The following MYO3A variants were observed in gnomAD, a reference collection of about 807,000 sequenced individuals.
The protein encoded by MYO3A is myosin-IIIa.
MYO3A carries 180 observed loss-of-function variants against 192.7 expected under a neutral mutation model. The observed-to-expected ratio is 0.93, with a 90% CI of 0.83 to 1.06. The LOEUF is 1.06. Among genes scored for constraint, MYO3A ranks in the 50% least tolerant of loss-of-function variants. The pLI is 0.00. For synonymous variants in MYO3A, 628 were observed against 645.3 expected (o/e 0.97, Z 0.41); for missense variants, 1,896 against 1,905.0 (o/e 1.00, Z 0.09).
intron 20 of MYO3A, among the ~76,000 whole-genome samples, chr10:26,138,961 T>A (rs2131820327): frequency 6.6e-6 from 1 of 152,320 alleles, no homozygotes; most frequent in South Asian, 2.1e-4. Flanking sequence ...TTTCCCTTCA[T>A]TTAACTCTGT....
chr10:26,024,144 T>C, intron 9 of MYO3A, 57 bp downstream of exon 9: 1 of 1,463,514 alleles, frequency 6.8e-7, no homozygotes, highest in Non-Finnish European at 9.6e-7. Flanking sequence ...TATAACTAAA[T>C]CTCCTCCTAT....
intron 15 of MYO3A, among the ~76,000 whole-genome samples, chr10:26,089,276 T>C (rs571995720): frequency 6.6e-6 from 1 of 152,252 alleles, no homozygotes; most frequent in Non-Finnish European, 1.5e-5. Context: ...CAGCTCCTAA[T>C]ATGGAAAATT....
At chr10:26,032,828 TA>T (rs1262708641) in intron 10 of MYO3A, among the ~76,000 whole-genome samples, 1 of 152,202 alleles carries the variant, frequency 6.6e-6, no homozygotes, top group Non-Finnish European at 1.5e-5. Flanking sequence ...TTTTATGTTC[TA>T]TTTTCTGGGC....
At chr10:26,103,012 A>G (rs1040560665) in intron 17 of MYO3A, among the ~76,000 whole-genome samples, 2 of 152,206 alleles carry the variant, frequency 1.3e-5, no homozygotes, top group Non-Finnish European at 2.9e-5. Context: ...GAGTCTACAA[A>G]GGCGGGCAGG....
At chr10:26,009,995 G>T (rs2130997404) in intron 6 of MYO3A, among the ~76,000 whole-genome samples, 1 of 152,254 alleles carries the variant, frequency 6.6e-6, no homozygotes, top group South Asian at 2.1e-4. Context: ...TACAGCTAAG[G>T]TCCAGTACTG....
chr10:26,137,636 A>G (rs1048747348), intron 20 of MYO3A, among the ~76,000 whole-genome samples: 2 of 152,244 alleles, frequency 1.3e-5, no homozygotes, highest in Non-Finnish European at 2.9e-5. Context: ...AAAAAGAGCC[A>G]TATTTTTCTT....
intron 6 of MYO3A, among the ~76,000 whole-genome samples, 179 bp downstream of exon 6, chr10:25,997,437 G>T (rs149592194): frequency 6.6e-6 from 1 of 152,278 alleles, no homozygotes; most frequent in African/African-American, 2.4e-5. Context: ...CAGAAGAAAG[G>T]GTAACTTCTT....
chr10:26,122,646 A>T (rs1456959018), intron 18 of MYO3A, among the ~76,000 whole-genome samples: 1 of 152,092 alleles, frequency 6.6e-6, no homozygotes, highest in Non-Finnish European at 1.5e-5. Context: ...TTCAGAAACC[A>T]CATAACCCAT....
At chr10:26,112,017 A>T (rs1022424109) in intron 17 of MYO3A, among the ~76,000 whole-genome samples, 6 of 152,132 alleles carry the variant, frequency 3.9e-5, no homozygotes, top group African/African-American at 1.4e-4. Flanking sequence ...TCAAAGTCCC[A>T]CTCATCAGAG....
At chr10:26,168,198 A>G (rs1841858062) in intron 27 of MYO3A, among the ~76,000 whole-genome samples, 1 of 152,188 alleles carries the variant, frequency 6.6e-6, no homozygotes, top group Admixed American at 6.5e-5. Flanking sequence ...CCCAAAGGAC[A>G]GTGACCTGCC....
At chr10:26,167,794 G>T (rs944572647) in intron 27 of MYO3A, among the ~76,000 whole-genome samples, 14 of 152,112 alleles carry the variant, frequency 9.2e-5, no homozygotes, top group Admixed American at 5.2e-4. Flanking sequence ...GTTTACCCAT[G>T]GTGCCAAGCT....
intron 31 of MYO3A, among the ~76,000 whole-genome samples, chr10:26,180,378 C>T (rs146401135): frequency 7.7e-4 from 117 of 152,142 alleles, no homozygotes; most frequent in African/African-American, 2.7e-3. Context: ...ATGAAGAATA[C>T]GTTTCTTAAT....
intron 30 of MYO3A, among the ~76,000 whole-genome samples, chr10:26,175,843 T>TG (rs1330204898): frequency 6.6e-6 from 1 of 152,218 alleles, no homozygotes; most frequent in African/African-American, 2.4e-5. Context: ...GTAAATTCAC[T>TG]GCTCCATGGA....
intron 10 of MYO3A, among the ~76,000 whole-genome samples, chr10:26,033,086 T>C (rs557476813): frequency 1.3e-5 from 2 of 152,180 alleles, no homozygotes; most frequent in Non-Finnish European, 2.9e-5. Context: ...TTTTATTTAT[T>C]TTTTTGAGAC....
intron 4 of MYO3A, among the ~76,000 whole-genome samples, chr10:25,971,043 C>T (rs1406275095): frequency 6.6e-6 from 1 of 152,026 alleles, no homozygotes; most frequent in Non-Finnish European, 1.5e-5. Flanking sequence ...GCTCTATTCC[C>T]TTTTCATTTT....
chr10:26,010,412 T>C (rs908970337), intron 6 of MYO3A, among the ~76,000 whole-genome samples: 1 of 151,762 alleles, frequency 6.6e-6, no homozygotes, highest in Admixed American at 6.6e-5. Flanking sequence ...TTTCTTGATG[T>C]GAAAGTATAT....
intron 15 of MYO3A, among the ~76,000 whole-genome samples, chr10:26,090,352 C>T (rs983432797): frequency 1.3e-5 from 2 of 152,144 alleles, no homozygotes; most frequent in Non-Finnish European, 2.9e-5. Context: ...ATCATTAATG[C>T]TTACTGAAAT....
intron 31 of MYO3A, among the ~76,000 whole-genome samples, chr10:26,186,153 A>G (rs1842855312): frequency 6.6e-6 from 1 of 152,010 alleles, no homozygotes; most frequent in South Asian, 2.1e-4. Flanking sequence ...GAGTTACAAG[A>G]TGTTTTTGGT....
chr10:26,070,438 T>C (rs899055618), intron 14 of MYO3A, 37 bp downstream of exon 14: 1 of 1,535,234 alleles, frequency 6.5e-7, no homozygotes, highest in Non-Finnish European at 9.0e-7. Context: ...ATCAGAAATA[T>C]TTGTTGAATT....
Sources: allele counts gnomAD v4.1 joint callset (sites outside exome capture counted in the v4.1 genomes callset), GRCh38; gene constraint gnomAD v4.1.1; transcripts MANE v1.5; gene names NCBI Gene and HGNC (gene_info 2026-07-23, HGNC 2026-07-21).